BBS9: variants seen among roughly 807,000 people sequenced by gnomAD.
BBS9 encodes the protein protein PTHB1.
BBS9 carries 89 observed loss-of-function variants against 117.7 expected under a neutral mutation model. The ratio of observed to expected loss-of-function variants is 0.76; its 90% confidence interval spans 0.64 to 0.90. The LOEUF is 0.90. Among genes scored for constraint, BBS9 ranks in the 40% least tolerant of loss-of-function variants. The pLI is 0.00. For missense variants in BBS9, 982 were observed against 1,042.2 expected (o/e 0.94, Z 0.80); for synonymous variants, 379 against 370.9 (o/e 1.02, Z -0.25).
At chr7:33,205,917 T>TTA (rs1429529518) in intron 5 of BBS9, among the ~76,000 whole-genome samples, 1 of 152,184 alleles carries the variant, frequency 6.6e-6, no homozygotes, top group Admixed American at 6.5e-5. Context: ...TTAAAGCAGA[T>TTA]AGCCCACTCA....
intron 19 of BBS9, among the ~76,000 whole-genome samples, chr7:33,501,354 A>G (rs534936789): frequency 2.4e-4 from 36 of 152,354 alleles, no homozygotes; most frequent in African/African-American, 7.5e-4. Context: ...CATGCTGGCC[A>G]GTAGGTCAGG....
At chr7:33,502,134 G>T (rs1279725242) in intron 19 of BBS9, among the ~76,000 whole-genome samples, 2 of 152,060 alleles carry the variant, frequency 1.3e-5, no homozygotes, top group Non-Finnish European at 2.9e-5. Flanking sequence ...GCTCTCGAAT[G>T]CCTGACCTTG....
At chr7:33,565,821 A>ATACTGC (rs1856814640) in intron 21 of BBS9, among the ~76,000 whole-genome samples, 2 of 54,560 alleles carry the variant, frequency 3.7e-5, no homozygotes, top group South Asian at 6.2e-4. Context: ...ATATATATAT[A>ATACTGC]TATATACCGC....
At chr7:33,457,523 C>T (rs780654482) in intron 19 of BBS9, among the ~76,000 whole-genome samples, 74 of 152,034 alleles carry the variant, frequency 4.9e-4, no homozygotes, top group Non-Finnish European at 6.2e-4. Context: ...AGAAATGTCA[C>T]CGTATTCATT....
chr7:33,470,344 C>G (rs1457893398), intron 19 of BBS9, among the ~76,000 whole-genome samples: 1 of 151,608 alleles, frequency 6.6e-6, no homozygotes, highest in African/African-American at 2.4e-5. Context: ...ATAGGGGAAG[C>G]TAGAATCTAG....
intron 21 of BBS9, among the ~76,000 whole-genome samples, chr7:33,548,456 C>T (rs897905173): frequency 1.1e-4 from 17 of 151,054 alleles, no homozygotes; most frequent in African/African-American, 3.9e-4. Context: ...ACTAACTCGT[C>T]ATCTAGCATT....
intron 9 of BBS9, among the ~76,000 whole-genome samples, chr7:33,313,062 T>TGTTG (rs1260199797): frequency 6.8e-6 from 1 of 146,918 alleles, no homozygotes; most frequent in Non-Finnish European, 1.5e-5. Context: ...TGTGTGTGTG[T>TGTTG]GTGCGCGCAC....
chr7:33,544,910 G>C (rs1419753803), intron 21 of BBS9, among the ~76,000 whole-genome samples: 1 of 152,056 alleles, frequency 6.6e-6, no homozygotes, highest in Non-Finnish European at 1.5e-5. Context: ...CAGGTCACTA[G>C]AGTTGTGTAC....
intron 12 of BBS9, 49 bp from the exon 13 acceptor site, chr7:33,349,019 G>C: frequency 7.7e-7 from 1 of 1,302,598 alleles, no homozygotes; most frequent in Non-Finnish European, 1.1e-6. Context: ...TAGTCTATCA[G>C]TTTGAATAAA....
At chr7:33,438,971 A>G (rs1289683874) in intron 19 of BBS9, among the ~76,000 whole-genome samples, 2 of 152,178 alleles carry the variant, frequency 1.3e-5, no homozygotes, top group South Asian at 2.1e-4. Context: ...CAGGATTTTT[A>G]TCACTTTACC....
chr7:33,540,715 A>T (rs1014256919), intron 21 of BBS9, among the ~76,000 whole-genome samples: 3 of 152,230 alleles, frequency 2.0e-5, no homozygotes, highest in Non-Finnish European at 4.4e-5. Flanking sequence ...AAGTTATTAA[A>T]AGGGCAATGA....
chr7:33,214,625 A>G (rs1173549253), intron 5 of BBS9, among the ~76,000 whole-genome samples: 2 of 152,206 alleles, frequency 1.3e-5, no homozygotes, highest in Non-Finnish European at 2.9e-5. Context: ...TGCCCTCCTA[A>G]GACTTAATTT....
At chr7:33,622,665 T>G (rs887627878) in intron 21 of BBS9, among the ~76,000 whole-genome samples, 61 of 152,186 alleles carry the variant, frequency 4.0e-4, no homozygotes, top group Admixed American at 3.3e-3. Flanking sequence ...CAGCCATTCT[T>G]GAAAAATTTG....
At chr7:33,590,545 C>CTATAGTTG (rs1404505722) in intron 21 of BBS9, among the ~76,000 whole-genome samples, 4 of 146,096 alleles carry the variant, frequency 2.7e-5, no homozygotes, top group Non-Finnish European at 5.9e-5. Context: ...TCCTAGATAG[C>CTATAGTTG]TATAGTTGCT....
chr7:33,177,750 A>G, intron 5 of BBS9, 159 bp downstream of exon 5: 3 of 652,576 alleles, frequency 4.6e-6, no homozygotes, highest in Non-Finnish European at 5.5e-6. Flanking sequence ...GTCTATGGCC[A>G]TACCACCCTG....
chr7:33,629,237 G>A (rs777278126), intron 21 of BBS9, among the ~76,000 whole-genome samples: 9 of 152,216 alleles, frequency 5.9e-5, no homozygotes, highest in Non-Finnish European at 1.2e-4. Flanking sequence ...TACATTTTGT[G>A]TGAATTAGGG....
intron 9 of BBS9, among the ~76,000 whole-genome samples, chr7:33,308,827 T>A (rs142777708): frequency 1.2e-4 from 19 of 152,316 alleles, no homozygotes; most frequent in Admixed American, 2.6e-4. Flanking sequence ...ATGAGAAGAC[T>A]CCACCTCTCA....
chr7:33,317,216 G>A (rs1205001246), intron 9 of BBS9, among the ~76,000 whole-genome samples: 1 of 152,044 alleles, frequency 6.6e-6, no homozygotes, highest in Non-Finnish European at 1.5e-5. Flanking sequence ...GATCTGTTTA[G>A]TCTCATGCCA....
intron 19 of BBS9, among the ~76,000 whole-genome samples, chr7:33,415,431 C>T (rs1338650623): frequency 6.6e-6 from 1 of 152,146 alleles, no homozygotes; most frequent in African/African-American, 2.4e-5. Flanking sequence ...GCACTTCAGT[C>T]TCCATAACCA....
Sources: allele counts gnomAD v4.1 joint callset (sites outside exome capture counted in the v4.1 genomes callset), GRCh38; gene constraint gnomAD v4.1.1; transcripts MANE v1.5; gene names NCBI Gene and HGNC (gene_info 2026-07-23, HGNC 2026-07-21).